The following SOX6 variants were observed in gnomAD, a reference collection of about 807,000 sequenced individuals.
The protein encoded by SOX6 is transcription factor SOX-6.
A neutral mutation model predicts 97.8 loss-of-function variants in SOX6; 11 were observed. The ratio of observed to expected loss-of-function variants is 0.11; its 90% CI spans 0.07 to 0.19. The LOEUF (loss-of-function observed/expected upper bound fraction) is 0.19, where lower values mean the gene tolerates loss of function less well. Ranked by LOEUF, SOX6 falls within the 10% of genes least tolerant of loss-of-function variation. SOX6 has a pLI of 1.00. For missense variants in SOX6, 810 were observed against 1,039.5 expected (o/e 0.78, Z 3.04); for synonymous variants, 360 against 371.4 (o/e 0.97, Z 0.35).
intron 1 of SOX6, among the ~76,000 whole-genome samples, chr11:16,449,238 T>C (rs1025618600): frequency 3.4e-5 from 5 of 148,344 alleles, no homozygotes; most frequent in African/African-American, 1.2e-4. Context: ...GGTTTCTCCA[T>C]CCTTTGGCTA....
chr11:16,141,540 C>T (rs1405943768), intron 6 of SOX6, among the ~76,000 whole-genome samples: 4 of 152,172 alleles, frequency 2.6e-5, no homozygotes, highest in Middle Eastern at 3.4e-3. Flanking sequence ...TGCAGCTCAC[C>T]GAGCGTGAGC....
At chr11:16,038,305 C>A (rs991514777) in intron 12 of SOX6, among the ~76,000 whole-genome samples, 2 of 151,994 alleles carry the variant, frequency 1.3e-5, no homozygotes, top group African/African-American at 2.4e-5. Flanking sequence ...TCATAACAAA[C>A]CCTTGTGCAT....
intron 4 of SOX6, among the ~76,000 whole-genome samples, chr11:16,595,220 G>A (rs1414256306): frequency 1.3e-5 from 2 of 151,476 alleles, no homozygotes; most frequent in Non-Finnish European, 1.5e-5. Flanking sequence ...AACAATGCAA[G>A]TCTCCAGGAT....
chr11:16,726,440 A>G (rs1431929822), intron 2 of SOX6, among the ~76,000 whole-genome samples: 2 of 152,182 alleles, frequency 1.3e-5, no homozygotes, highest in Admixed American at 1.3e-4. Context: ...AATACAATCA[A>G]TAGTGATGGT....
chr11:16,626,142 T>C (rs1303488532), intron 3 of SOX6, among the ~76,000 whole-genome samples: 2 of 152,116 alleles, frequency 1.3e-5, no homozygotes, highest in African/African-American at 4.8e-5. Context: ...TGCTGAAAAG[T>C]GGAGAATTGC....
chr11:16,581,532 A>G (rs936140688), intron 4 of SOX6, among the ~76,000 whole-genome samples: 1 of 152,184 alleles, frequency 6.6e-6, no homozygotes, highest in African/African-American at 2.4e-5. Context: ...TGAGAGGTGC[A>G]GCAAACTACC....
At position 16,649,717 on chromosome 11, in the gene SOX6, GA is replaced by G. The variant is rs374263270; in HGVS notation, n.430-37458del. On this transcript the variant is annotated intron_variant and non_coding_transcript_variant, in intron 3 of 5. Transcript: ENST00000524520. ...GGATCTAAAAAGCAATAACACAACA[GA>G]AAAAAAAAAGGTTTTAAGGCAACAA... is the stretch of plus-strand genomic sequence containing the variant. Among the ~76,000 whole-genome samples the G allele has an allele frequency of 7.3e-3, 1,051 of 143,120 alleles. 7 individuals carry two copies. Among genetic ancestry groups the G allele is most frequent in the African/African-American group, 0.025 (991 of 39,182 alleles). 93.9% of individuals were successfully genotyped at this position (143,120 alleles called of 152,430 possible).
intron 4 of SOX6, among the ~76,000 whole-genome samples, chr11:16,216,243 A>C (rs2134150042): frequency 6.6e-6 from 1 of 152,330 alleles, no homozygotes; most frequent in South Asian, 2.1e-4. Context: ...TAGGACTTTA[A>C]AAATAGGAAT....
At chr11:16,606,634 G>A (rs1023222165) in intron 4 of SOX6, among the ~76,000 whole-genome samples, 7 of 152,160 alleles carry the variant, frequency 4.6e-5, no homozygotes, top group Admixed American at 2.6e-4. Flanking sequence ...ATACCAATGC[G>A]GGGAGGCGGA....
intron 12 of SOX6, among the ~76,000 whole-genome samples, chr11:16,045,313 G>A (rs762796356): frequency 5.3e-5 from 8 of 152,094 alleles, no homozygotes; most frequent in Non-Finnish European, 1.2e-4. Context: ...GTTTAGATGA[G>A]GTTATGAGGG....
intron 3 of SOX6, among the ~76,000 whole-genome samples, chr11:16,699,667 C>T (rs756084436): frequency 2.0e-5 from 3 of 152,008 alleles, no homozygotes; most frequent in Admixed American, 6.6e-5. Flanking sequence ...TTAGACACAT[C>T]GTTGTATGAT....
At chr11:16,482,339 A>G (rs1036282077) in intron 4 of SOX6, among the ~76,000 whole-genome samples, 11 of 152,200 alleles carry the variant, frequency 7.2e-5, no homozygotes, top group African/African-American at 2.2e-4. Flanking sequence ...AACATCATAC[A>G]TTAGTTCATT....
chr11:16,037,514 CAAGAG>C (rs1855550065), intron 12 of SOX6, among the ~76,000 whole-genome samples: 1 of 152,124 alleles, frequency 6.6e-6, no homozygotes, highest in Non-Finnish European at 1.5e-5. Context: ...GGGAATGCTG[CAAGAG>C]AAGAAAATGG....
intron 3 of SOX6, among the ~76,000 whole-genome samples, chr11:16,684,512 T>C (rs571427068): frequency 1.0e-4 from 15 of 146,826 alleles, no homozygotes; most frequent in East Asian, 6.0e-4. Flanking sequence ...TTCTCACTCA[T>C]AGGTGGGAGC....
At chr11:16,537,900 C>G (rs754183132) in intron 4 of SOX6, among the ~76,000 whole-genome samples, 7 of 152,168 alleles carry the variant, frequency 4.6e-5, no homozygotes, top group Non-Finnish European at 8.8e-5. Flanking sequence ...GGAAAACACT[C>G]TTAAGGATAT....
intron 2 of SOX6, among the ~76,000 whole-genome samples, chr11:16,326,481 G>GT (rs1856096661): frequency 6.6e-6 from 1 of 151,610 alleles, no homozygotes; most frequent in Admixed American, 6.6e-5. Context: ...CAAATCCAAT[G>GT]TTTTTTCTAA....
intron 1 of SOX6, among the ~76,000 whole-genome samples, chr11:16,442,310 G>T (rs1361249701): frequency 2.0e-5 from 3 of 152,094 alleles, no homozygotes; most frequent in African/African-American, 7.2e-5. Context: ...AGACTCTGAG[G>T]TGTTTCTCTG....
intron 6 of SOX6, among the ~76,000 whole-genome samples, chr11:16,153,390 T>C (rs182213267): frequency 1.2e-3 from 180 of 152,300 alleles, no homozygotes; most frequent in Non-Finnish European, 1.5e-3. Flanking sequence ...CCAAATTTGT[T>C]TGGCGATATG....
At chr11:16,483,483 G>T (rs1860380290) in intron 4 of SOX6, among the ~76,000 whole-genome samples, 1 of 151,962 alleles carries the variant, frequency 6.6e-6, no homozygotes, top group South Asian at 2.1e-4. Flanking sequence ...CTTCCCTTTG[G>T]TCAGAAAAGG....
Sources: allele counts gnomAD v4.1 joint callset (sites outside exome capture counted in the v4.1 genomes callset), GRCh38; gene constraint gnomAD v4.1.1; transcripts MANE v1.5; gene names NCBI Gene and HGNC (gene_info 2026-07-23, HGNC 2026-07-21).